Variants in MCC observed in about 807,000 individuals in gnomAD.
The protein encoded by MCC is colorectal mutant cancer protein.
MCC carries 90 observed loss-of-function variants against 116.2 expected under a neutral mutation model. The ratio of observed to expected loss-of-function variants is 0.77; its 90% CI spans 0.65 to 0.92. The LOEUF (loss-of-function observed/expected upper bound fraction) is 0.92, where lower values mean the gene tolerates loss of function less well. MCC is among the 40% of genes least tolerant of loss of function. MCC has a pLI of 0.00. For synonymous variants in MCC, 578 were observed against 510.5 expected (o/e 1.13, Z -1.78); for missense variants, 1,516 against 1,312.2 (o/e 1.16, Z -2.40).
At chr5:113,091,775 C>T (rs1755659901) in intron 8 of MCC, among the ~76,000 whole-genome samples, 1 of 152,070 alleles carries the variant, frequency 6.6e-6, no homozygotes, top group Non-Finnish European at 1.5e-5. Flanking sequence ...GTCCCAGCTA[C>T]TCAGGAGGCT....
At chr5:113,285,712 T>C (rs1766228583) in intron 3 of MCC, among the ~76,000 whole-genome samples, 1 of 152,180 alleles carries the variant, frequency 6.6e-6, no homozygotes, top group African/African-American at 2.4e-5. Context: ...CCCCATTTCA[T>C]TCCCTGAGAG....
chr5:113,205,245 A>G (rs1762867018), intron 3 of MCC, among the ~76,000 whole-genome samples: 1 of 152,196 alleles, frequency 6.6e-6, no homozygotes, highest in African/African-American at 2.4e-5. Context: ...TAAGAATCAG[A>G]GGAGGTGGGT....
At chr5:113,354,411 T>A (rs956242148) in intron 2 of MCC, among the ~76,000 whole-genome samples, 4 of 151,184 alleles carry the variant, frequency 2.6e-5, no homozygotes, top group African/African-American at 9.8e-5. Context: ...TCAAATATGA[T>A]AACATCTGAG....
chr5:113,402,849 C>A (rs568730702), intron 1 of MCC, among the ~76,000 whole-genome samples: 1 of 152,216 alleles, frequency 6.6e-6, no homozygotes, highest in East Asian at 1.9e-4. Context: ...GGCTGGAGGG[C>A]AGTGGTGCGA....
intron 5 of MCC, among the ~76,000 whole-genome samples, chr5:113,134,555 C>CTTTTTTTTTTTTTTTTTTTTTTTTTTTT: frequency 3.3e-5 from 1 of 30,126 alleles, no homozygotes; most frequent in Non-Finnish European, 6.0e-5. Flanking sequence ...GCTATTTGGG[C>CTTTTTTTTTTTTTTTTTTTTTTTTTTTT]TTTTTTTTTT....
chr5:113,066,795 G>A (rs1257005715), intron 13 of MCC, among the ~76,000 whole-genome samples: 2 of 152,202 alleles, frequency 1.3e-5, no homozygotes, highest in South Asian at 2.1e-4. Flanking sequence ...CCTAATGGAA[G>A]CTCACAGCAG....
At chr5:113,295,593 T>A (rs1295293454) in intron 3 of MCC, among the ~76,000 whole-genome samples, 1 of 149,978 alleles carries the variant, frequency 6.7e-6, no homozygotes, top group Non-Finnish European at 1.5e-5. Flanking sequence ...GAGTTGTATT[T>A]ATGGAGTGTG....
rs1178237538 is a variant in MCC, at chr5:113,104,233, G to A, written c.1150C>T (p.Gln384Ter). The change falls in exon 7 of 19, where the codon CAG becomes TAG. Residue 384 changes from glutamine (Q) to a stop codon, truncating the protein, a stop_gained. Transcript: ENST00000408903. LOFTEE classifies it high-confidence loss of function. ...SVAEVDKHIE[Q>*]LTTASEHCDL... ...CAGTGCTCGCTGGCTGTGGTGAGCT[G>A]CTCAATGTGCTTGTCCACCTCGGCC... 1.2e-6 allele frequency: 2 copies of A among 1,613,974 alleles called. No individual in the cohort carries two copies. The highest frequency in any genetic ancestry group is 1.7e-6 in the Non-Finnish European group (2 of 1,179,974).
At chr5:113,077,507 C>T (rs185033980) in intron 11 of MCC, among the ~76,000 whole-genome samples, 2 of 152,190 alleles carry the variant, frequency 1.3e-5, no homozygotes, top group Admixed American at 6.5e-5. Flanking sequence ...GAAACTCACT[C>T]AAAACTGCAT....
intron 3 of MCC, among the ~76,000 whole-genome samples, chr5:113,229,690 T>C (rs115051838): frequency 0.01 from 1,563 of 152,274 alleles, 31 homozygotes; most frequent in African/African-American, 0.035. Flanking sequence ...TCCTGTAAGA[T>C]TGTAATACCA....
chr5:113,412,249 A>G (rs1242477596), intron 1 of MCC, among the ~76,000 whole-genome samples: 1 of 152,198 alleles, frequency 6.6e-6, no homozygotes, highest in South Asian at 2.1e-4. Context: ...TGTCCTGACA[A>G]TGCAGGCTCT....
chr5:113,177,302 C>T (rs995442945), intron 3 of MCC, among the ~76,000 whole-genome samples: 2 of 152,212 alleles, frequency 1.3e-5, no homozygotes, highest in Non-Finnish European at 2.9e-5. Context: ...CTGTGCCTGG[C>T]ACAAAGGAGG....
At chr5:113,070,829 C>T (rs6866442) in intron 12 of MCC, among the ~76,000 whole-genome samples, 51,683 of 151,846 alleles carry the variant, frequency 0.34, 8,773 homozygotes, top group Middle Eastern at 0.39. Flanking sequence ...AAGAAATGAA[C>T]ATGTAACATG....
chr5:113,035,587 T>C (rs923026759), intron 17 of MCC, among the ~76,000 whole-genome samples: 4 of 152,136 alleles, frequency 2.6e-5, no homozygotes, highest in African/African-American at 9.7e-5. Context: ...GCTGCTGGAA[T>C]CACCCTTGCC....
chr5:113,178,147 G>T (rs553794593), intron 3 of MCC, among the ~76,000 whole-genome samples: 1 of 152,254 alleles, frequency 6.6e-6, no homozygotes, highest in South Asian at 2.1e-4. Context: ...CTGCAGAAAT[G>T]GTATTTAGAA....
chr5:113,390,636 C>T (rs1581447705), intron 1 of MCC, among the ~76,000 whole-genome samples: 1 of 152,128 alleles, frequency 6.6e-6, no homozygotes, highest in South Asian at 2.1e-4. Context: ...CAAGTAAATT[C>T]GCAGCCTAAC....
rs192200641 is a variant in MCC, at chr5:113,398,146, A to C, written c.171-12934T>G. Among the ~76,000 whole-genome samples, 774 of 152,342 alleles carry C rather than the reference A, an allele frequency of 5.1e-3. 7 individuals are homozygous for C. Among genetic ancestry groups the C allele is most frequent in the African/African-American group, 0.017 (711 of 41,594 alleles). ...AAACCACAGTGAGGTACCATCTCACACTAGTCAGAATGGTTATTGTTAAAA... is the reference window on the plus strand; with the variant it reads ...AAACCACAGTGAGGTACCATCTCACCCTAGTCAGAATGGTTATTGTTAAAA... On this transcript the variant is annotated intron_variant, in intron 1 of 18. Coordinates refer to ENST00000408903, the MANE Select transcript of MCC (RefSeq NM_001085377.2).
At chr5:113,078,839 T>C (rs959866651) in intron 11 of MCC, among the ~76,000 whole-genome samples, 14 of 152,084 alleles carry the variant, frequency 9.2e-5, no homozygotes, top group Non-Finnish European at 1.8e-4. Flanking sequence ...AAATAAAGGG[T>C]ATTCAATTAG....
chr5:113,244,858 A>ATG (rs1226548485), intron 3 of MCC, among the ~76,000 whole-genome samples: 1 of 152,272 alleles, frequency 6.6e-6, no homozygotes. Flanking sequence ...AAATATATAT[A>ATG]AAATGAAAAT....
Sources: gnomAD v4.1 joint callset for allele counts (sites outside exome capture counted in the v4.1 genomes callset) on GRCh38, gnomAD v4.1.1 for gene constraint, MANE v1.5 for transcripts, NCBI Gene and HGNC (gene_info 2026-07-23, HGNC 2026-07-21) for gene names.